The following MECOM variants were observed in gnomAD, a reference collection of about 807,000 sequenced individuals.
MECOM encodes the protein histone-lysine N-methyltransferase MECOM.
In MECOM, 13 loss-of-function variants were observed where a neutral mutation model predicts 116.3. The observed-to-expected ratio is 0.11, with a 90% CI of 0.07 to 0.18. The LOEUF is 0.18. MECOM is among the 10% of genes least tolerant of loss of function. The probability of loss-of-function intolerance (pLI) is 1.00; values close to 1 mark genes in which losing one functional copy is unlikely to be tolerated. For synonymous variants in MECOM, 528 were observed against 535.2 expected, an observed-to-expected ratio of 0.99 and a Z score of 0.19; for missense variants, 1,299 against 1,509.0, an observed-to-expected ratio of 0.86 and a Z score of 2.31.
chr3:169,384,348 AG>A (rs1317242801), intron 1 of MECOM, among the ~76,000 whole-genome samples: 1 of 152,188 alleles, frequency 6.6e-6, no homozygotes, highest in African/African-American at 2.4e-5. Context: ...CCAACATCAA[AG>A]GAAACAATTT....
At chr3:169,328,673 C>T (rs1383433181) in intron 2 of MECOM, among the ~76,000 whole-genome samples, 1 of 152,096 alleles carries the variant, frequency 6.6e-6, no homozygotes, top group East Asian at 1.9e-4. Flanking sequence ...AAAGCTGATG[C>T]AGCTTTTTCT....
intron 2 of MECOM, among the ~76,000 whole-genome samples, chr3:169,227,045 C>T (rs1752811479): frequency 6.6e-6 from 1 of 152,064 alleles, no homozygotes; most frequent in African/African-American, 2.4e-5. Context: ...GACACCACAG[C>T]TTCCTTTTGT....
intron 1 of MECOM, among the ~76,000 whole-genome samples, chr3:169,637,888 A>G (rs537669626): frequency 1.3e-5 from 2 of 152,352 alleles, no homozygotes; most frequent in Admixed American, 1.3e-4. Context: ...ACTGGGGTCA[A>G]AGGAGACATA....
At chr3:169,161,122 T>C (rs1742781628) in intron 2 of MECOM, among the ~76,000 whole-genome samples, 2 of 152,200 alleles carry the variant, frequency 1.3e-5, no homozygotes, top group Admixed American at 1.3e-4. Flanking sequence ...TTAGTGTACA[T>C]TGATGATTAA....
At chr3:169,264,397 C>T (rs1174152103) in intron 2 of MECOM, among the ~76,000 whole-genome samples, 1 of 152,038 alleles carries the variant, frequency 6.6e-6, no homozygotes, top group Non-Finnish European at 1.5e-5. Flanking sequence ...TTGTACATGT[C>T]TTTGTTTTTA....
intron 1 of MECOM, among the ~76,000 whole-genome samples, chr3:169,548,570 C>T (rs980224752): frequency 5.3e-5 from 8 of 152,196 alleles, no homozygotes; most frequent in African/African-American, 1.7e-4. Flanking sequence ...GCAACATCTT[C>T]CTTGTTTTTT....
At position 169,168,805 on chromosome 3, in the gene MECOM, A is replaced by G. The variant is rs1743992971; in HGVS notation, c.376-24973T>C. ...TTGGAATACTAGGGGAAAAATGCAA[A>G]TTTGTATACAAAAGTACATTATTTA... On this transcript the variant is annotated intron_variant, in intron 2 of 16. Coordinates refer to ENST00000651503, the MANE Select transcript of MECOM (RefSeq NM_004991.4). 2.0e-5 allele frequency among the ~76,000 whole-genome samples: 3 copies of G among 151,994 alleles called. No individual in the cohort carries two copies. The South Asian group carries it at 6.2e-4, about 31-fold the overall frequency.
At chr3:169,460,298 A>G (rs1747221435) in intron 1 of MECOM, among the ~76,000 whole-genome samples, 1 of 152,194 alleles carries the variant, frequency 6.6e-6, no homozygotes, top group Non-Finnish European at 1.5e-5. Context: ...ATAGAACTCT[A>G]TGTGAGAATA....
At chr3:169,091,516 C>T (rs1028548401) in intron 14 of MECOM, among the ~76,000 whole-genome samples, 1 of 152,094 alleles carries the variant, frequency 6.6e-6, no homozygotes, top group Non-Finnish European at 1.5e-5. Context: ...TTCTTATTTG[C>T]ATCAAGTAAA....
chr3:169,583,507 C>T (rs1390491566), intron 1 of MECOM, among the ~76,000 whole-genome samples: 1 of 152,082 alleles, frequency 6.6e-6, no homozygotes, highest in Non-Finnish European at 1.5e-5. Context: ...TGTAGAACTG[C>T]CCATCACATT....
intron 1 of MECOM, among the ~76,000 whole-genome samples, chr3:169,462,984 A>G (rs1309369941): frequency 6.6e-6 from 1 of 152,208 alleles, no homozygotes; most frequent in Non-Finnish European, 1.5e-5. Context: ...AGCCCAGTTC[A>G]ATAGGACAAA....
chr3:169,425,463 C>T (rs1403764842), intron 1 of MECOM, among the ~76,000 whole-genome samples: 1 of 152,024 alleles, frequency 6.6e-6, no homozygotes, highest in Non-Finnish European at 1.5e-5. Context: ...ATTCCATTTA[C>T]AGAAATAAGA....
At chr3:169,402,352 C>T (rs1457110308) in intron 1 of MECOM, among the ~76,000 whole-genome samples, 1 of 152,142 alleles carries the variant, frequency 6.6e-6, no homozygotes, top group African/African-American at 2.4e-5. Flanking sequence ...GGGAGGCAAT[C>T]ATAGAGCCCT....
At chr3:169,330,846 A>G (rs1253930641) in intron 2 of MECOM, among the ~76,000 whole-genome samples, 1 of 152,074 alleles carries the variant, frequency 6.6e-6, no homozygotes, top group African/African-American at 2.4e-5. Context: ...TAAAGCTTTC[A>G]TTTTATCCTC....
chr3:169,219,100 G>A (rs922059753), intron 2 of MECOM, among the ~76,000 whole-genome samples: 5 of 152,112 alleles, frequency 3.3e-5, no homozygotes, highest in African/African-American at 4.8e-5. Flanking sequence ...AGCAAACATC[G>A]AAGTATCACA....
At position 169,378,437 on chromosome 3, in the gene MECOM, GAA is replaced by G. The variant is rs1313295607; in HGVS notation, c.375+2748_375+2749del. ...AGAAAGAAAGAAAGAAAGAAAGAAA[GAA>G]AGAAAGAAAGAAGGAAAGCAAGCAA... On this transcript the variant is annotated intron_variant, in intron 2 of 16. Coordinates refer to ENST00000651503, the MANE Select transcript of MECOM (RefSeq NM_004991.4). 7.1e-4 allele frequency among the ~76,000 whole-genome samples: 57 copies of G among 80,812 alleles called. 2 individuals are homozygous for G. The highest frequency in any genetic ancestry group is 2.6e-3 in the African/African-American group (31 of 12,122). 53.0% of individuals were successfully genotyped at this position (80,812 alleles called of 152,430 possible).
chr3:169,496,512 G>C (rs561023680), intron 1 of MECOM, among the ~76,000 whole-genome samples: 1 of 152,162 alleles, frequency 6.6e-6, no homozygotes, highest in African/African-American at 2.4e-5. Context: ...AGCTAATTCT[G>C]TGACTTCCTT....
chr3:169,284,016 G>A (rs1712731539), intron 2 of MECOM, among the ~76,000 whole-genome samples: 1 of 152,168 alleles, frequency 6.6e-6, no homozygotes, highest in African/African-American at 2.4e-5. Flanking sequence ...CTGTCAGCCT[G>A]GACAAAAGGT....
intron 2 of MECOM, among the ~76,000 whole-genome samples, chr3:169,339,388 C>A (rs1724103504): frequency 6.6e-6 from 1 of 152,050 alleles, no homozygotes; most frequent in African/African-American, 2.4e-5. Flanking sequence ...AAATGGCTCT[C>A]TACAGCTAAA....
Sources: allele counts gnomAD v4.1 joint callset (sites outside exome capture counted in the v4.1 genomes callset), GRCh38; gene constraint gnomAD v4.1.1; transcripts MANE v1.5; gene names NCBI Gene and HGNC (gene_info 2026-07-23, HGNC 2026-07-21).